The following GALNT17 variants were observed in gnomAD, a reference collection of about 807,000 sequenced individuals.
The protein encoded by GALNT17 is UDP-GalNAc:polypeptide N-acetylgalactosaminyltransferase-like 3.
Under a neutral mutation model 63.7 loss-of-function variants are expected in GALNT17, and 29 were observed. The ratio of observed to expected loss-of-function variants is 0.46; its 90% CI spans 0.34 to 0.62. The LOEUF is 0.62. Among genes scored for constraint, GALNT17 ranks in the 20% least tolerant of loss-of-function variants. GALNT17 has a pLI of 0.01. For missense variants in GALNT17, 603 were observed against 799.6 expected (o/e 0.75, Z 2.97); for synonymous variants, 305 against 318.3 (o/e 0.96, Z 0.45).
In GALNT17 at chr7:71,480,749, C is replaced by G. The variant is rs577721739; in HGVS notation, c.962+59644C>G. Among the ~76,000 whole-genome samples the G allele has an allele frequency of 3.3e-5, 5 of 152,308 alleles. No homozygotes were observed. In the East Asian group the frequency reaches 9.7e-4, roughly 29 times the overall value. On this transcript the variant is annotated intron_variant, in intron 5 of 10. Coordinates refer to ENST00000333538, the MANE Select transcript of GALNT17 (RefSeq NM_022479.3). ...CTCGAACTCCTGGCCTCAAGTGATC[C>G]ACCCACCTGGGCCTCCCAAAGCACT...
chr7:71,569,845 A>T (rs1789409205), intron 5 of GALNT17, among the ~76,000 whole-genome samples: 1 of 152,168 alleles, frequency 6.6e-6, no homozygotes, highest in Non-Finnish European at 1.5e-5. Context: ...GAACGTAGGA[A>T]TACAGGTGTC....
At chr7:71,633,592 C>G (rs1250232225) in intron 6 of GALNT17, among the ~76,000 whole-genome samples, 2 of 152,168 alleles carry the variant, frequency 1.3e-5, no homozygotes, top group African/African-American at 2.4e-5. Context: ...TTTCTGTTCT[C>G]TCTGCTAATC....
intron 6 of GALNT17, among the ~76,000 whole-genome samples, chr7:71,638,314 C>G (rs886094585): frequency 6.6e-6 from 1 of 152,190 alleles, no homozygotes; most frequent in Non-Finnish European, 1.5e-5. Context: ...GTGCCAACCT[C>G]CTATCTCATC....
At chr7:71,328,784 CTGT>C (rs1358488881) in intron 1 of GALNT17, among the ~76,000 whole-genome samples, 1 of 151,570 alleles carries the variant, frequency 6.6e-6, no homozygotes, top group Non-Finnish European at 1.5e-5. Context: ...TTTTTGGAGG[CTGT>C]TAAGTGAATG....
chr7:71,315,796 T>C (rs1216356166), intron 1 of GALNT17, among the ~76,000 whole-genome samples: 1 of 152,150 alleles, frequency 6.6e-6, no homozygotes, highest in African/African-American at 2.4e-5. Context: ...GAGTCTGTGT[T>C]CTTCATAGAC....
intron 5 of GALNT17, among the ~76,000 whole-genome samples, chr7:71,523,192 A>G (rs182266704): frequency 3.9e-4 from 60 of 152,286 alleles, no homozygotes; most frequent in African/African-American, 1.4e-3. Context: ...TTGGGAGGCC[A>G]AGGTGGGAGA....
intron 1 of GALNT17, among the ~76,000 whole-genome samples, chr7:71,239,311 A>T (rs2116463606): frequency 6.7e-6 from 1 of 150,370 alleles, no homozygotes; most frequent in African/African-American, 2.4e-5. Flanking sequence ...CCCCAAAAAA[A>T]AATAAATAAA....
At chr7:71,407,876 G>A (rs2116408369) in intron 3 of GALNT17, among the ~76,000 whole-genome samples, 1 of 152,222 alleles carries the variant, frequency 6.6e-6, no homozygotes, top group South Asian at 2.1e-4. Context: ...ATTTATAGGG[G>A]CAGAAAGCAT....
chr7:71,515,412 A>G (rs190105370), intron 5 of GALNT17, among the ~76,000 whole-genome samples: 88 of 152,278 alleles, frequency 5.8e-4, no homozygotes, highest in African/African-American at 2.1e-3. Context: ...AAGCTTCTTA[A>G]TTATGTAACA....
At chr7:71,524,103 C>T (rs771537190) in intron 5 of GALNT17, among the ~76,000 whole-genome samples, 14 of 150,634 alleles carry the variant, frequency 9.3e-5, no homozygotes, top group Non-Finnish European at 1.3e-4. Flanking sequence ...GGTGACAGAG[C>T]GAGAATGTGT....
chr7:71,302,261 GGTGA>G (rs1791214830), intron 1 of GALNT17, among the ~76,000 whole-genome samples: 1 of 152,170 alleles, frequency 6.6e-6, no homozygotes, highest in Non-Finnish European at 1.5e-5. Flanking sequence ...TGAATACCTA[GGTGA>G]TGGGTTGATA....
At chr7:71,634,236 A>T (rs752005095) in intron 6 of GALNT17, among the ~76,000 whole-genome samples, 15 of 152,062 alleles carry the variant, frequency 9.9e-5, no homozygotes, top group Non-Finnish European at 1.3e-4. Context: ...GCCACTGAAG[A>T]TGGGGAGTGC....
intron 6 of GALNT17, among the ~76,000 whole-genome samples, chr7:71,635,097 C>A (rs1790509868): frequency 6.6e-6 from 1 of 151,566 alleles, no homozygotes; most frequent in Admixed American, 6.6e-5. Flanking sequence ...ATCCCAGCTA[C>A]TCAGGAGGCT....
chr7:71,622,829 G>A (rs981593747), intron 6 of GALNT17, among the ~76,000 whole-genome samples: 2 of 152,168 alleles, frequency 1.3e-5, no homozygotes, highest in African/African-American at 4.8e-5. Flanking sequence ...TGGCAATAGT[G>A]CTCTTGGTAA....
Position 71,335,550 on chromosome 7 carries a change from G to C in GALNT17, c.239G>C (p.Gly80Ala). 6.4e-7 allele frequency: 1 copy of C among 1,566,532 alleles called. No individual in the cohort carries two copies. The highest frequency in any genetic ancestry group is 8.6e-7 in the Non-Finnish European group (1 of 1,159,454). Reference sequence around the variant, plus strand: ...TTCTTTTTTCTCCCACTTTTTCTAGGCTTATCCAAATCCCTTGGGCTCATT... The same window carrying C: ...TTCTTTTTTCTCCCACTTTTTCTAGCCTTATCCAAATCCCTTGGGCTCATT... ...LEDIVYRQLN[G>A]LSKSLGLIEG... Residue 80 changes from glycine (G) to alanine (A), a missense_variant and splice_region_variant, in exon 2 of 11, where the codon GGC (glycine) becomes GCC (alanine). Gly to Ala is a moderately conservative substitution (Grantham distance 60). Around this residue, in one of 3 missense-constraint regions of GALNT17, gnomAD observed 195 missense variants for 215.0 expected, o/e 0.91. Coordinates refer to ENST00000333538, the MANE Select transcript of GALNT17 (RefSeq NM_022479.3).
intron 1 of GALNT17, among the ~76,000 whole-genome samples, chr7:71,288,508 G>A (rs925230676): frequency 5.9e-5 from 9 of 152,116 alleles, no homozygotes; most frequent in Non-Finnish European, 7.4e-5. Flanking sequence ...AGCCCTGAGC[G>A]GGCTGGATCC....
At chr7:71,140,700 C>A (rs956358004) in intron 1 of GALNT17, among the ~76,000 whole-genome samples, 5 of 152,164 alleles carry the variant, frequency 3.3e-5, no homozygotes, top group African/African-American at 1.2e-4. Flanking sequence ...AAACAACCTA[C>A]GATTAGATGA....
At chr7:71,271,898 C>G (rs1790599463) in intron 1 of GALNT17, among the ~76,000 whole-genome samples, 1 of 152,110 alleles carries the variant, frequency 6.6e-6, no homozygotes, top group Non-Finnish European at 1.5e-5. Context: ...TAACTAGGAC[C>G]ACAGATGGGT....
intron 9 of GALNT17, among the ~76,000 whole-genome samples, chr7:71,680,924 G>C (rs1292549298): frequency 3.4e-5 from 5 of 147,940 alleles, no homozygotes; most frequent in Non-Finnish European, 7.4e-5. Context: ...TTAAGAGATA[G>C]GGTCTTGCTG....
Sources: gnomAD v4.1 joint callset for allele counts (sites outside exome capture counted in the v4.1 genomes callset) on GRCh38, gnomAD v4.1.1 for gene constraint, gnomAD v4.1.1 regional missense constraint, MANE v1.5 for transcripts, NCBI Gene and HGNC (gene_info 2026-07-23, HGNC 2026-07-21) for gene names.